The following EYS variants were observed in gnomAD, a reference collection of about 807,000 sequenced individuals.
EYS encodes protein eyes shut homolog.
A neutral mutation model predicts 282.1 loss-of-function variants in EYS; 250 were observed. The ratio of observed to expected loss-of-function variants is 0.89; its 90% CI spans 0.80 to 0.98. The LOEUF (loss-of-function observed/expected upper bound fraction) is 0.98, where lower values mean the gene tolerates loss of function less well. Ranked by LOEUF, EYS falls within the 50% of genes least tolerant of loss-of-function variation. The probability of loss-of-function intolerance (pLI) is 0.00; values close to 1 mark genes in which losing one functional copy is unlikely to be tolerated. For missense variants in EYS, 4,016 were observed against 3,709.0 expected (o/e 1.08, Z -2.15); for synonymous variants, 1,355 against 1,282.9 (o/e 1.06, Z -1.20).
At chr6:65,407,428 G>A (rs1254577060) in intron 5 of EYS, among the ~76,000 whole-genome samples, 3 of 151,750 alleles carry the variant, frequency 2.0e-5, no homozygotes, top group South Asian at 2.1e-4. Flanking sequence ...GATAATTTTT[G>A]TATTTTTAGT....
chr6:64,113,188 G>A (rs1200930290), intron 31 of EYS, among the ~76,000 whole-genome samples: 1 of 152,006 alleles, frequency 6.6e-6, no homozygotes, highest in African/African-American at 2.4e-5. Flanking sequence ...GTTATACTAA[G>A]TTATAAACTT....
rs1679979595 is a variant in EYS at position 65,482,992 on chromosome 6, A to G, written c.862+7602T>C. 2.6e-5 allele frequency among the ~76,000 whole-genome samples: 4 copies of G among 152,312 alleles called. No homozygotes were observed. In the South Asian group the frequency reaches 8.3e-4, roughly 32 times the overall value. On this transcript the variant is annotated intron_variant, in intron 5 of 42. Coordinates refer to ENST00000503581, the MANE Select transcript of EYS (RefSeq NM_001142800.2). ...ATTTTAACATTTCCTGGCATTAATCAAAAATACACATTTAAAAATTTAGCA... is the reference window on the plus strand; with the variant it reads ...ATTTTAACATTTCCTGGCATTAATCGAAAATACACATTTAAAAATTTAGCA...
At chr6:64,495,597 T>C (rs1420545413) in intron 26 of EYS, among the ~76,000 whole-genome samples, 1 of 151,924 alleles carries the variant, frequency 6.6e-6, no homozygotes, top group Admixed American at 6.6e-5. Flanking sequence ...ATTCCTTTCT[T>C]ACTTTGTGTA....
intron 22 of EYS, among the ~76,000 whole-genome samples, chr6:64,787,502 T>C (rs923951588): frequency 3.3e-5 from 5 of 151,982 alleles, no homozygotes; most frequent in African/African-American, 1.2e-4. Flanking sequence ...TTCTGTTTTC[T>C]TTTCATTTGA....
At position 65,558,321 on chromosome 6, in the gene EYS, G is replaced by A. The variant is rs191584050; in HGVS notation, c.-332-62328C>T. Among the ~76,000 whole-genome samples the A allele has an allele frequency of 2.3e-3, 345 of 152,362 alleles. 1 individual carries two copies. Among genetic ancestry groups the A allele is most frequent in the African/African-American group, 7.9e-3 (330 of 41,588 alleles). On this transcript the variant is annotated intron_variant, in intron 2 of 42. Transcript: ENST00000503581. Reference sequence around the variant, plus strand: ...GGGTGGTATGTCAGTGCAGCCTTGAGTGTGTGCACAGCAGGCTGGCTTATG... The same window carrying A: ...GGGTGGTATGTCAGTGCAGCCTTGAATGTGTGCACAGCAGGCTGGCTTATG...
intron 22 of EYS, among the ~76,000 whole-genome samples, chr6:64,668,116 A>G (rs1349098289): frequency 6.6e-6 from 1 of 152,200 alleles, no homozygotes; most frequent in African/African-American, 2.4e-5. Flanking sequence ...GGAAATATTG[A>G]AAAACCAAAA....
At chr6:64,726,827 G>T (rs1010428992) in intron 22 of EYS, among the ~76,000 whole-genome samples, 1 of 152,070 alleles carries the variant, frequency 6.6e-6, no homozygotes, top group East Asian at 1.9e-4. Context: ...CTATAAGACA[G>T]GGCTCCATAG....
intron 12 of EYS, among the ~76,000 whole-genome samples, chr6:65,069,318 C>G (rs1042524590): frequency 1.3e-5 from 2 of 151,930 alleles, no homozygotes; most frequent in Admixed American, 6.6e-5. Flanking sequence ...TCCTTTGATG[C>G]CAACTTCCTT....
chr6:65,647,588 T>C (rs1031865884), intron 1 of EYS, among the ~76,000 whole-genome samples: 7 of 152,130 alleles, frequency 4.6e-5, no homozygotes, highest in African/African-American at 1.7e-4. Context: ...AGAAAAACCA[T>C]TGCAGACATT....
At chr6:64,722,429 G>C (rs962120418) in intron 22 of EYS, among the ~76,000 whole-genome samples, 1 of 150,898 alleles carries the variant, frequency 6.6e-6, no homozygotes, top group Non-Finnish European at 1.5e-5. Flanking sequence ...TTGATAAAAC[G>C]AAGAGAAGAG....
intron 29 of EYS, among the ~76,000 whole-genome samples, chr6:64,330,104 T>A (rs961160645): frequency 6.6e-6 from 1 of 152,106 alleles, no homozygotes; most frequent in Admixed American, 6.6e-5. Flanking sequence ...AGATGATTTA[T>A]TGTTAGCTGC....
rs375909718 is a variant in EYS, at chr6:65,557,247, C to T, written c.-332-61254G>A. On this transcript the variant is annotated intron_variant, in intron 2 of 42. Transcript: ENST00000503581. ...AGCCCAGCAGGCTTCACTCATCTCACGCTGCCAGCCCAGATCCCACACCTG... is the reference window on the plus strand; with the variant it reads ...AGCCCAGCAGGCTTCACTCATCTCATGCTGCCAGCCCAGATCCCACACCTG... Among the ~76,000 whole-genome samples, 147 of 152,276 alleles carry T rather than the reference C, an allele frequency of 9.7e-4. No homozygotes were observed. The East Asian group carries it at 0.015, about 16-fold the overall frequency.
At chr6:65,326,340 T>C (rs555912808) in intron 11 of EYS, among the ~76,000 whole-genome samples, 2 of 151,708 alleles carry the variant, frequency 1.3e-5, no homozygotes, top group Admixed American at 6.6e-5. Flanking sequence ...TTTTAAATGG[T>C]GTAATTTTTT....
chr6:63,801,436 G>A (rs1770780289), intron 37 of EYS, among the ~76,000 whole-genome samples: 1 of 152,142 alleles, frequency 6.6e-6, no homozygotes, highest in Non-Finnish European at 1.5e-5. Flanking sequence ...ACCAATATTT[G>A]TCCAAATGAA....
chr6:64,115,988 G>T (rs549078501), intron 31 of EYS, among the ~76,000 whole-genome samples: 1 of 151,650 alleles, frequency 6.6e-6, no homozygotes, highest in Non-Finnish European at 1.5e-5. Context: ...TGAGCTACAA[G>T]AAAACATAGG....
chr6:63,762,458 C>T lies in EYS; in HGVS notation c.8071+3G>A, dbSNP rs976010036. 38 of 1,548,770 alleles carry T rather than the reference C, an allele frequency of 2.5e-5. No individual in the cohort carries two copies. Among genetic ancestry groups the T allele is most frequent in the Non-Finnish European group, 3.3e-5 (38 of 1,145,492 alleles). On this transcript the variant is annotated splice_donor_region_variant and intron_variant, in intron 41 of 42. Transcript: ENST00000503581. The stretch of plus-strand genomic sequence containing the variant: ...AGCAAAATGATTTGAAATTCTGCCT[C>T]ACCTTGTTCACAGTAGATTCCAGTG...
At chr6:64,313,455 C>T (rs1769810389) in intron 29 of EYS, among the ~76,000 whole-genome samples, 1 of 152,130 alleles carries the variant, frequency 6.6e-6, no homozygotes, top group African/African-American at 2.4e-5. Context: ...TTGGAAAACA[C>T]TCTGCAGGAT....
chr6:63,969,574 T>C (rs1766460718), intron 35 of EYS, among the ~76,000 whole-genome samples: 1 of 152,200 alleles, frequency 6.6e-6, no homozygotes, highest in Admixed American at 6.5e-5. Flanking sequence ...CTTATTTTGT[T>C]CTCTGAGTAC....
intron 1 of EYS, among the ~76,000 whole-genome samples, chr6:65,697,823 T>C (rs1458220548): frequency 6.6e-6 from 1 of 152,130 alleles, no homozygotes; most frequent in Admixed American, 6.5e-5. Flanking sequence ...AGTATGCCCA[T>C]TGCCTAATAA....
Sources: allele counts gnomAD v4.1 joint callset (sites outside exome capture counted in the v4.1 genomes callset), GRCh38; gene constraint gnomAD v4.1.1; transcripts MANE v1.5; gene names NCBI Gene and HGNC (gene_info 2026-07-23, HGNC 2026-07-21).